NEDD9: variants seen among roughly 807,000 people sequenced by gnomAD.
NEDD9 encodes the protein neural precursor cell expressed, developmentally down-regulated 9.
NEDD9 carries 26 observed loss-of-function variants against 76.6 expected under a neutral mutation model. The observed-to-expected ratio is 0.34, with a 90% CI of 0.25 to 0.47. The LOEUF (loss-of-function observed/expected upper bound fraction) is 0.47, where lower values mean the gene tolerates loss of function less well. NEDD9 is among the 20% of genes least tolerant of loss of function. The pLI is 1.00. For synonymous variants in NEDD9, 392 were observed against 414.2 expected, an observed-to-expected ratio of 0.95 and a Z score of 0.65; for missense variants, 937 against 1,058.5, an observed-to-expected ratio of 0.89 and a Z score of 1.59.
At chr6:11,211,514 A>G (rs539377699) in intron 2 of NEDD9, among the ~76,000 whole-genome samples, 1 of 152,332 alleles carries the variant, frequency 6.6e-6, no homozygotes, top group East Asian at 1.9e-4. Flanking sequence ...TTTAAGGTGC[A>G]AACAACCAGG....
intron 2 of NEDD9, among the ~76,000 whole-genome samples, chr6:11,332,402 C>G (rs1762060173): frequency 6.6e-6 from 1 of 152,190 alleles, no homozygotes; most frequent in Non-Finnish European, 1.5e-5. Context: ...ATCAATGGTT[C>G]TCCATTACCT....
chr6:11,358,482 C>T (rs1220624204), intron 1 of NEDD9, among the ~76,000 whole-genome samples: 1 of 152,112 alleles, frequency 6.6e-6, no homozygotes, highest in Non-Finnish European at 1.5e-5. Flanking sequence ...CACCTCCAAA[C>T]CTAGTTAACA....
At chr6:11,245,098 A>G (rs930423989) in intron 3 of NEDD9, among the ~76,000 whole-genome samples, 5 of 152,226 alleles carry the variant, frequency 3.3e-5, no homozygotes, top group African/African-American at 9.6e-5. Flanking sequence ...CTCAGTCAAT[A>G]TGCTGTGTTG....
chr6:11,365,503 G>T (rs1255201728), intron 1 of NEDD9, among the ~76,000 whole-genome samples: 1 of 152,226 alleles, frequency 6.6e-6, no homozygotes, highest in Non-Finnish European at 1.5e-5. Flanking sequence ...AGCTTCTTAT[G>T]TATAGTAAGA....
At position 11,213,829 on chromosome 6, in the gene NEDD9, A is replaced by T; in HGVS notation, c.13-102T>A. ...ATGGAAAGGCACACTTCCTGGAAAG[A>T]GAGAAGCATAAATCTGAACAATAGA... On this transcript the variant is annotated intron_variant, in intron 1 of 6. Transcript: ENST00000379446. This position sits in a 1 kb window ranked among gnomAD's most constrained non-coding sequence, Gnocchi z 5.4. 1 of 1,024,046 alleles carries T rather than the reference A, an allele frequency of 9.8e-7. No individual in the cohort carries two copies. Among genetic ancestry groups the T allele is most frequent in the South Asian group, 1.5e-5 (1 of 64,800 alleles). The allele number at this position is 1,024,046 out of a possible 1,614,324, so 63.4% of individuals were successfully genotyped here. A position where few individuals can be genotyped will look rare whatever the true frequency, so the allele number is the denominator to read the frequency against.
intron 3 of NEDD9, among the ~76,000 whole-genome samples, chr6:11,277,411 G>C (rs1419863783): frequency 6.6e-6 from 1 of 152,168 alleles, no homozygotes; most frequent in East Asian, 1.9e-4. Flanking sequence ...TTTGGGGGTG[G>C]GGAAGTGGTG....
intron 3 of NEDD9, among the ~76,000 whole-genome samples, chr6:11,302,933 G>T (rs1018373405): frequency 6.6e-6 from 1 of 152,194 alleles, no homozygotes; most frequent in South Asian, 2.1e-4. Flanking sequence ...AAAGCTGGAA[G>T]CATTCCCTTT....
At chr6:11,314,187 C>A (rs1246798525) in intron 2 of NEDD9, among the ~76,000 whole-genome samples, 4 of 152,180 alleles carry the variant, frequency 2.6e-5, no homozygotes, top group Non-Finnish European at 5.9e-5. Context: ...TGCAAGCAAG[C>A]ACTCTACATA....
chr6:11,339,432 A>G (rs1160745821), intron 1 of NEDD9, among the ~76,000 whole-genome samples: 2 of 152,186 alleles, frequency 1.3e-5, no homozygotes, highest in African/African-American at 2.4e-5. Context: ...CATTAAATAA[A>G]TGGATACTCT....
intron 1 of NEDD9, among the ~76,000 whole-genome samples, chr6:11,223,415 C>T (rs1056022239): frequency 5.3e-5 from 8 of 151,834 alleles, no homozygotes; most frequent in Admixed American, 1.3e-4. Context: ...ATTATTACTG[C>T]GCCAAGATGA....
At chr6:11,297,127 G>GT (rs1211636654) in intron 3 of NEDD9, among the ~76,000 whole-genome samples, 44 of 121,296 alleles carry the variant, frequency 3.6e-4, no homozygotes, top group East Asian at 9.4e-4. Context: ...AGTTTAATTT[G>GT]TTTTGTTTTT....
At chr6:11,344,093 G>T (rs1350457541) in intron 1 of NEDD9, among the ~76,000 whole-genome samples, 1 of 152,168 alleles carries the variant, frequency 6.6e-6, no homozygotes, top group Non-Finnish European at 1.5e-5. Context: ...CTACATCCTG[G>T]CCTCTTTTAA....
At chr6:11,237,404 G>A (rs1286171431), upstream of NEDD9, among the ~76,000 whole-genome samples, 1 of 152,186 alleles carries the variant, frequency 6.6e-6, no homozygotes, top group African/African-American at 2.4e-5. The surrounding 1 kb of genome is among the most constrained non-coding windows in gnomAD (Gnocchi z 4.9). Flanking sequence ...TGGTGCCCAG[G>A]AAGGGAACAG....
At chr6:11,263,224 G>C (rs576891729) in intron 3 of NEDD9, among the ~76,000 whole-genome samples, 1 of 152,166 alleles carries the variant, frequency 6.6e-6, no homozygotes, top group Admixed American at 6.5e-5. Context: ...TAGCTTTTTT[G>C]TGTGTGTAAG....
At chr6:11,191,281 C>T (rs1758139170) in intron 4 of NEDD9, 76 bp from the exon 5 acceptor site, 1 of 1,473,246 alleles carries the variant, frequency 6.8e-7, no homozygotes, top group Admixed American at 2.3e-5. Context: ...GTGCTCAGTC[C>T]TATTTGCTGG....
chr6:11,221,722 T>C (rs1759150828), intron 1 of NEDD9, among the ~76,000 whole-genome samples: 1 of 152,168 alleles, frequency 6.6e-6, no homozygotes, highest in Admixed American at 6.5e-5. Context: ...GGTTGCCTGA[T>C]TTTGATAGAT....
At chr6:11,328,722 AC>A (rs1249437760) in intron 2 of NEDD9, 1 of 152,212 alleles carries the variant, frequency 6.6e-6, no homozygotes, top group African/African-American at 2.4e-5. Context: ...CTAAGTGTTG[AC>A]TTCTGCTGAG....
intron 4 of NEDD9, 81 bp from the exon 5 acceptor site, chr6:11,191,286 T>A: frequency 6.8e-7 from 1 of 1,463,790 alleles, no homozygotes. Flanking sequence ...CAGTCCTATT[T>A]GCTGGCACTT....
At chr6:11,186,858 C>T (rs533607129) in intron 6 of NEDD9, among the ~76,000 whole-genome samples, 8 of 152,218 alleles carry the variant, frequency 5.3e-5, no homozygotes, top group African/African-American at 1.9e-4. Context: ...CCTCATGATC[C>T]GCCCGTCTCG....
Sources: allele counts gnomAD v4.1 joint callset (sites outside exome capture counted in the v4.1 genomes callset), GRCh38; gene constraint gnomAD v4.1.1; non-coding constraint Gnocchi (gnomAD v3.1); transcripts MANE v1.5; gene names NCBI Gene and HGNC (gene_info 2026-07-23, HGNC 2026-07-21).